Variants in TIPIN observed in about 807,000 individuals in gnomAD.
TIPIN encodes TIMELESS-interacting protein.
TIPIN carries 29 observed loss-of-function variants against 35.6 expected under a neutral mutation model. The ratio of observed to expected loss-of-function variants is 0.82; its 90% CI spans 0.61 to 1.11. The LOEUF (loss-of-function observed/expected upper bound fraction) is 1.11. Ranked by LOEUF, TIPIN falls within the 50% of genes most tolerant of loss-of-function variation. The pLI, the probability that TIPIN is intolerant of heterozygous loss-of-function variation, is 0.00. For synonymous variants in TIPIN, 102 were observed against 121.5 expected (o/e 0.84, Z 1.06); for missense variants, 296 against 345.4 (o/e 0.86, Z 1.13).
chr15:66,373,574 T>TA, intron 1 of TIPIN, among the ~76,000 whole-genome samples: 1 of 152,244 alleles, frequency 6.6e-6, no homozygotes, highest in East Asian at 1.9e-4. Context: ...TGTTAAATCT[T>TA]AGAAGATATC....
At chr15:66,375,990 A>C (rs1489770324) in intron 1 of TIPIN, among the ~76,000 whole-genome samples, 3 of 152,012 alleles carry the variant, frequency 2.0e-5, no homozygotes, top group African/African-American at 7.2e-5. Flanking sequence ...AGTCCTAGCT[A>C]TTGGGGAGGC....
chr15:66,361,161 T>C (rs2093229411), upstream of TIPIN, among the ~76,000 whole-genome samples: 1 of 151,916 alleles, frequency 6.6e-6, no homozygotes, highest in Non-Finnish European at 1.5e-5. Flanking sequence ...AACTGAACAT[T>C]TTAGTACCTT....
rs1482824943 is a variant in TIPIN at position 66,349,134 on chromosome 15, AAAGAG to A, written c.412-16_412-12del. The A allele has an allele frequency of 1.9e-6, 3 of 1,610,080 alleles. No homozygotes were observed. The Admixed American group carries it at 5.0e-5, about 27-fold the overall frequency. ...TCGTTTTAAACAGGTCTGAAAATGA[AAAGAG>A]ATTATTTATTTTTACCTCTTTACCA... On this transcript the variant is annotated splice_polypyrimidine_tract_variant and intron_variant, in intron 5 of 7. Coordinates refer to ENST00000261881, the MANE Select transcript of TIPIN (RefSeq NM_017858.3).
intron 7 of TIPIN, among the ~76,000 whole-genome samples, chr15:66,339,124 T>A (rs1595781754): frequency 4.0e-5 from 3 of 74,506 alleles, no homozygotes; most frequent in African/African-American, 5.8e-5. Context: ...AGAGCAAGAC[T>A]CCATCTCAAA....
intron 1 of TIPIN, chr15:66,366,805 AAAAG>A: frequency 1.0e-6 from 1 of 982,826 alleles, no homozygotes; most frequent in Non-Finnish European, 1.2e-6. Context: ...GAAAAAAAGA[AAAAG>A]AAAAGAAATT....
At chr15:66,382,270 G>T in intron 1 of TIPIN, 2 of 842,664 alleles carry the variant, frequency 2.4e-6, no homozygotes, top group Non-Finnish European at 2.9e-6. Context: ...TCAGCCAAGG[G>T]CAGAACTGGA....
intron 1 of TIPIN, among the ~76,000 whole-genome samples, chr15:66,367,222 A>ATATCTATATCTATATCTG (rs1278520988): frequency 1.4e-4 from 20 of 148,090 alleles, no homozygotes; most frequent in South Asian, 8.6e-4. Flanking sequence ...ATCTATATCT[A>ATATCTATATCTATATCTG]TATCTGTATC....
At chr15:66,359,794 A>T (rs1161535858), upstream of TIPIN, among the ~76,000 whole-genome samples, 1 of 152,128 alleles carries the variant, frequency 6.6e-6, no homozygotes, top group Non-Finnish European at 1.5e-5. Flanking sequence ...CTGAGAAGTT[A>T]AAAAAAGTTA....
At chr15:66,349,909 A>G (rs1361319615) in intron 4 of TIPIN, among the ~76,000 whole-genome samples, 1 of 152,060 alleles carries the variant, frequency 6.6e-6, no homozygotes, top group East Asian at 1.9e-4. Context: ...TTAAGAACTT[A>G]GAGGACTGCA....
chr15:66,381,186 G>A (rs977827948), intron 1 of TIPIN, among the ~76,000 whole-genome samples: 3 of 151,662 alleles, frequency 2.0e-5, no homozygotes, highest in Non-Finnish European at 4.4e-5. Context: ...CTGTAATCCC[G>A]GCACTTTGGG....
At chr15:66,338,446 A>G (rs768318363) in intron 7 of TIPIN, among the ~76,000 whole-genome samples, 27 of 152,188 alleles carry the variant, frequency 1.8e-4, no homozygotes, top group Non-Finnish European at 3.1e-4. Flanking sequence ...ACAGCAAAGA[A>G]GCCACTGCCA....
intron 6 of TIPIN, among the ~76,000 whole-genome samples, chr15:66,345,825 A>G (rs963958830): frequency 6.6e-6 from 1 of 152,226 alleles, no homozygotes; most frequent in Non-Finnish European, 1.5e-5. Flanking sequence ...AAAAATTTGG[A>G]GACTATTAAG....
chr15:66,337,212 A>T, intron 7 of TIPIN, 31 bp from the exon 8 acceptor site: 11 of 1,582,180 alleles, frequency 7.0e-6, no homozygotes, highest in Non-Finnish European at 8.7e-6. Context: ...ATTATTCATT[A>T]TAAGTACCTG....
At chr15:66,342,203 AAAAAAG>A (rs1451001372) in intron 6 of TIPIN, among the ~76,000 whole-genome samples, 34 of 150,788 alleles carry the variant, frequency 2.3e-4, no homozygotes, top group Non-Finnish European at 4.1e-4. Context: ...AAAAAAAAAA[AAAAAAG>A]AAAGAAACAA....
Position 66,379,998 on chromosome 15 carries a change from CTTTCTTTTTTT to C in TIPIN, c.-9+6598_-9+6608del, listed in dbSNP as rs746443890. On this transcript the variant is annotated intron_variant, in intron 1 of 7. Transcript: ENST00000562124. ...ACACCTTCATTTCTTTTCTTTCTTT[CTTTCTTTTTTT>C]TTTTTTTTTTGAGACGGAGTCTCGC... 1.5e-3 allele frequency: 469 copies of C among 313,824 alleles called. 5 individuals are homozygous for C. The highest frequency in any genetic ancestry group is 1.9e-3 in the Non-Finnish European group (347 of 178,250). 19.4% of individuals were successfully genotyped at this position (313,824 alleles called of 1,614,324 possible).
chr15:66,379,010 T>G (rs549898821), intron 1 of TIPIN, among the ~76,000 whole-genome samples: 1 of 152,338 alleles, frequency 6.6e-6, no homozygotes, highest in East Asian at 1.9e-4. Context: ...TTCTCTCGTC[T>G]TGGTCTCCCA....
At chr15:66,380,135 G>A (rs966866295) in intron 1 of TIPIN, among the ~76,000 whole-genome samples, 6 of 151,438 alleles carry the variant, frequency 4.0e-5, no homozygotes, top group South Asian at 2.1e-4. Context: ...CTGAGTAGCT[G>A]GGACTACAGG....
intron 1 of TIPIN, chr15:66,382,374 C>T: frequency 1.0e-6 from 1 of 985,186 alleles, no homozygotes; most frequent in Non-Finnish European, 1.2e-6. Flanking sequence ...ATGTACTCCT[C>T]AATTCTTGAT....
chr15:66,376,441 TG>T (rs1454372711), intron 1 of TIPIN, among the ~76,000 whole-genome samples: 2 of 152,128 alleles, frequency 1.3e-5, no homozygotes, highest in African/African-American at 4.8e-5. Flanking sequence ...TTTTTGTTTT[TG>T]TTTTTGAGAC....
Sources: gnomAD v4.1 joint callset for allele counts (sites outside exome capture counted in the v4.1 genomes callset) on GRCh38, gnomAD v4.1.1 for gene constraint, MANE v1.5 for transcripts, NCBI Gene and HGNC (gene_info 2026-07-23, HGNC 2026-07-21) for gene names.